The following ZNF148 variants were observed in gnomAD, a reference collection of about 807,000 sequenced individuals.
ZNF148 encodes Beta-Enolase Repressor Factor-1.
Under a neutral mutation model 67.7 loss-of-function variants are expected in ZNF148, and 7 were observed. The ratio of observed to expected loss-of-function variants is 0.10; its 90% CI spans 0.06 to 0.19. The LOEUF (loss-of-function observed/expected upper bound fraction) is 0.19, where lower values mean the gene tolerates loss of function less well. Among genes scored for constraint, ZNF148 ranks in the 10% least tolerant of loss-of-function variants. ZNF148 has a pLI of 1.00. For synonymous variants in ZNF148, 333 were observed against 330.7 expected (o/e 1.01, Z -0.08); for missense variants, 583 against 947.1 (o/e 0.62, Z 5.05).
intron 5 of ZNF148, among the ~76,000 whole-genome samples, chr3:125,287,810 T>G (rs1336592112): frequency 6.6e-6 from 1 of 152,128 alleles, no homozygotes; most frequent in Non-Finnish European, 1.5e-5. Flanking sequence ...TCCTGAAACC[T>G]TAATATAAAG....
intron 1 of ZNF148, among the ~76,000 whole-genome samples, chr3:125,350,848 AT>A (rs1454197109): frequency 6.6e-5 from 10 of 152,246 alleles, no homozygotes; most frequent in Non-Finnish European, 1.5e-4. Flanking sequence ...ACAATGGAAC[AT>A]TATTCATCCT....
At chr3:125,298,107 C>G (rs1482134913) in intron 4 of ZNF148, among the ~76,000 whole-genome samples, 1 of 152,062 alleles carries the variant, frequency 6.6e-6, no homozygotes, top group East Asian at 1.9e-4. Context: ...ATTTCGAATT[C>G]AAAGTCAGGT....
chr3:125,317,402 A>G (rs928203722), intron 3 of ZNF148, among the ~76,000 whole-genome samples: 7 of 152,078 alleles, frequency 4.6e-5, no homozygotes, highest in African/African-American at 1.7e-4. Flanking sequence ...TTATGGGTTT[A>G]TTCATAGACA....
At chr3:125,283,461 G>T (rs1938495550) in intron 5 of ZNF148, among the ~76,000 whole-genome samples, 1 of 152,086 alleles carries the variant, frequency 6.6e-6, no homozygotes, top group South Asian at 2.1e-4. Flanking sequence ...ATTAGGCAAA[G>T]AAGTAGGTGA....
intron 1 of ZNF148, among the ~76,000 whole-genome samples, chr3:125,331,730 C>T (rs1941298957): frequency 6.6e-6 from 1 of 152,060 alleles, no homozygotes; most frequent in African/African-American, 2.4e-5. Context: ...AAGTTCAAAG[C>T]AAAAGGTATT....
chr3:125,290,612 A>C (rs760285453), intron 4 of ZNF148, among the ~76,000 whole-genome samples: 3 of 152,206 alleles, frequency 2.0e-5, no homozygotes, highest in Non-Finnish European at 4.4e-5. Flanking sequence ...ACAGCTATTA[A>C]GTGCCTGCTC....
At chr3:125,339,141 T>C (rs79372768) in intron 1 of ZNF148, among the ~76,000 whole-genome samples, 1 of 152,110 alleles carries the variant, frequency 6.6e-6, no homozygotes, top group African/African-American at 2.4e-5. Flanking sequence ...GCCTCCCAAG[T>C]TGCTGAGATT....
chr3:125,320,623 T>C (rs1940728025), intron 3 of ZNF148, among the ~76,000 whole-genome samples: 1 of 152,178 alleles, frequency 6.6e-6, no homozygotes, highest in Non-Finnish European at 1.5e-5. Context: ...TCGTCTTTTG[T>C]ATAAAAAGAG....
At chr3:125,348,237 T>C (rs956025353) in intron 1 of ZNF148, among the ~76,000 whole-genome samples, 2 of 149,748 alleles carry the variant, frequency 1.3e-5, no homozygotes, top group Admixed American at 6.6e-5. Context: ...CCAGCCTGGG[T>C]GACAGAGCAA....
At chr3:125,263,316 C>G (rs1937423927) in intron 7 of ZNF148, among the ~76,000 whole-genome samples, 1 of 152,138 alleles carries the variant, frequency 6.6e-6, no homozygotes, top group Non-Finnish European at 1.5e-5. Flanking sequence ...TTTGGGAAGC[C>G]AAGACGGGTG....
intron 1 of ZNF148, among the ~76,000 whole-genome samples, chr3:125,356,237 T>G (rs576670692): frequency 1.3e-5 from 2 of 152,318 alleles, no homozygotes; most frequent in South Asian, 4.1e-4. Context: ...CACGTTCATT[T>G]TTTGGCTCAG....
At chr3:125,259,526 C>A (rs1937240906) in intron 7 of ZNF148, among the ~76,000 whole-genome samples, 1 of 152,116 alleles carries the variant, frequency 6.6e-6, no homozygotes, top group Non-Finnish European at 1.5e-5. Context: ...GCTAACATCA[C>A]AATAAAGCAA....
chr3:125,258,672 C>A (rs543673538), intron 7 of ZNF148, among the ~76,000 whole-genome samples: 33 of 151,746 alleles, frequency 2.2e-4, no homozygotes, highest in Admixed American at 6.6e-4. Flanking sequence ...AATTTATTAC[C>A]CATATGATAT....
intron 4 of ZNF148, among the ~76,000 whole-genome samples, chr3:125,312,106 C>T (rs1485116739): frequency 6.6e-6 from 1 of 152,104 alleles, no homozygotes; most frequent in Admixed American, 6.5e-5. Flanking sequence ...CCAGCATTAC[C>T]CTAATACCAA....
chr3:125,273,759 G>A (rs1414896208), intron 7 of ZNF148, among the ~76,000 whole-genome samples: 2 of 152,064 alleles, frequency 1.3e-5, no homozygotes, highest in African/African-American at 2.4e-5. Flanking sequence ...GGATTACAGC[G>A]TGAGCCACCG....
At position 125,226,612 on chromosome 3, in the gene ZNF148, C is replaced by G. The variant is rs1369588091; in HGVS notation, c.*5729G>C. The G allele has an allele frequency of 6.6e-6, 1 of 152,504 alleles. No individual in the cohort carries two copies. The highest frequency in any genetic ancestry group is 1.5e-5 in the Non-Finnish European group (1 of 68,014). The allele number at this position is 152,504 out of a possible 1,614,324, so 9.4% of individuals were successfully genotyped here. A position where few individuals can be genotyped will look rare whatever the true frequency, so the allele number is the denominator to read the frequency against. ...CAGTTTAAAGAACATCTCTATGTTC[C>G]ATGACTATGCATGAAACAAGCTGTC... On this transcript the variant is annotated 3_prime_UTR_variant, in exon 9 of 9. Coordinates refer to ENST00000360647, the MANE Select transcript of ZNF148 (RefSeq NM_021964.3).
At chr3:125,258,165 G>A (rs1937171739) in intron 7 of ZNF148, among the ~76,000 whole-genome samples, 1 of 152,014 alleles carries the variant, frequency 6.6e-6, no homozygotes, top group South Asian at 2.1e-4. Context: ...GCTCACGCCT[G>A]TAATCCCAGA....
chr3:125,330,491 T>C (rs991506264), intron 2 of ZNF148, among the ~76,000 whole-genome samples: 5 of 115,070 alleles, frequency 4.3e-5, no homozygotes, highest in Non-Finnish European at 8.5e-5. Context: ...AAAAAAAAAA[T>C]TCTCAAAAAA....
chr3:125,275,962 A>G (rs1194358138), intron 7 of ZNF148, among the ~76,000 whole-genome samples: 1 of 152,208 alleles, frequency 6.6e-6, no homozygotes, highest in African/African-American at 2.4e-5. Flanking sequence ...TAGTATCTTG[A>G]GAATTTTGTA....
Sources: allele counts gnomAD v4.1 joint callset (sites outside exome capture counted in the v4.1 genomes callset), GRCh38; gene constraint gnomAD v4.1.1; transcripts MANE v1.5; gene names NCBI Gene and HGNC (gene_info 2026-07-23, HGNC 2026-07-21).